PDXDC1: variants seen among roughly 807,000 people sequenced by gnomAD.
PDXDC1 encodes pyridoxal dependent decarboxylase domain containing 1.
Under a neutral mutation model 100.1 loss-of-function variants are expected in PDXDC1, and 42 were observed. The observed-to-expected ratio is 0.42, with a 90% CI of 0.33 to 0.54. PDXDC1 has a LOEUF of 0.54. Among genes scored for constraint, PDXDC1 ranks in the 20% least tolerant of loss-of-function variants. The pLI is 0.10. For synonymous variants in PDXDC1, 260 were observed against 371.7 expected (o/e 0.70, Z 3.46); for missense variants, 636 against 979.2 (o/e 0.65, Z 4.68).
intron 16 of PDXDC1, among the ~76,000 whole-genome samples, chr16:15,031,008 G>C (rs1436099254): frequency 6.6e-6 from 1 of 151,206 alleles, no homozygotes; most frequent in African/African-American, 2.4e-5. Context: ...CTGGAATGCA[G>C]TGTCTTCACC....
At chr16:15,023,550 TG>T (rs2042362025) in intron 13 of PDXDC1, among the ~76,000 whole-genome samples, 2 of 152,268 alleles carry the variant, frequency 1.3e-5, no homozygotes, top group Admixed American at 6.5e-5. Context: ...TCCCAGCTAC[TG>T]GGGAGGCTGA....
chr16:15,130,073 G>C (rs1011553931), intron 16 of PDXDC1: 2 of 1,474,186 alleles, frequency 1.4e-6, no homozygotes, highest in African/African-American at 2.7e-5. Flanking sequence ...ATCCGCTGTC[G>C]GCTCCTGTGA....
At chr16:15,015,823 CA>C (rs1185406083) in intron 8 of PDXDC1, 5 of 525,196 alleles carry the variant, frequency 9.5e-6, no homozygotes, top group African/African-American at 2.0e-5. Flanking sequence ...TGACAAACCA[CA>C]ATCTTGGTGG....
the PDXDC1 span, among the ~76,000 whole-genome samples, chr16:15,148,369 G>GAT: frequency 1.2e-5 from 1 of 82,348 alleles, no homozygotes; most frequent in South Asian, 4.8e-4. Context: ...CAGATCCTGT[G>GAT]ATTTTTTTTT....
At chr16:14,977,246 G>GTTT (rs1357470435) in intron 1 of PDXDC1, among the ~76,000 whole-genome samples, 3 of 138,328 alleles carry the variant, frequency 2.2e-5, no homozygotes, top group Non-Finnish European at 3.1e-5. Flanking sequence ...CTGAGTGTAA[G>GTTT]TTTTTCAGAA....
rs750217403 is a variant in PDXDC1 at position 15,034,459 on chromosome 16, G to T, written c.1908G>T (p.Gly636=). The T allele has an allele frequency of 6.2e-7, 1 of 1,613,998 alleles. No individual in the cohort carries two copies. Among genetic ancestry groups the T allele is most frequent in the Non-Finnish European group, 8.5e-7 (1 of 1,180,000 alleles). Residue 636 remains glycine, a splice_region_variant and synonymous_variant, in exon 21 of 23, where the codon GGG becomes GGT. Coordinates refer to ENST00000396410, the MANE Select transcript of PDXDC1 (RefSeq NM_015027.4). ...KASEERLLEE[G]VLRQIPVVGS... Reference sequence around the variant, plus strand: ...TGAACTCTGGTCCTGTCTTGCAGGGGGTGTTGCGGCAGATCCCTGTAGTGG... The same window carrying T: ...TGAACTCTGGTCCTGTCTTGCAGGGTGTGTTGCGGCAGATCCCTGTAGTGG...
At chr16:15,143,785 C>T (rs1458104693), downstream of PDXDC1, among the ~76,000 whole-genome samples, 1 of 152,236 alleles carries the variant, frequency 6.6e-6, no homozygotes, top group East Asian at 1.9e-4. Flanking sequence ...CCAGACCTGC[C>T]TCAGAGCCTC....
At chr16:15,086,657 T>C (rs2045926352) in intron 16 of PDXDC1, among the ~76,000 whole-genome samples, 1 of 152,154 alleles carries the variant, frequency 6.6e-6, no homozygotes, top group Non-Finnish European at 1.5e-5. Context: ...ATCTAGTAAC[T>C]CTAATACACA....
rs1212303091 is a variant in PDXDC1 at position 15,106,346 on chromosome 16, G to A, written c.1400-32533G>A. Reference sequence around the variant, plus strand: ...CTATGGATTACAATCACTTTCATCAGATAAAGCACCACTTTCAGGATGATT... The same window carrying A: ...CTATGGATTACAATCACTTTCATCAAATAAAGCACCACTTTCAGGATGATT... On this transcript the variant is annotated intron_variant, in intron 16 of 16. Transcript: ENST00000535621. 5.9e-5 allele frequency: 39 copies of A among 663,896 alleles called. 2 individuals carry two copies. The South Asian group carries it at 6.5e-4, about 11-fold the overall frequency. The allele number at this position is 663,896 out of a possible 1,614,324, so 41.1% of individuals were successfully genotyped here.
intron 16 of PDXDC1, chr16:15,125,714 T>A (rs758081510): frequency 2.9e-6 from 4 of 1,402,202 alleles, no homozygotes; most frequent in South Asian, 2.3e-5. Flanking sequence ...CCTGAGAACG[T>A]GAGGAAGGAG....
chr16:14,989,683 G>A (rs1395823936), intron 1 of PDXDC1: 2 of 1,561,766 alleles, frequency 1.3e-6, no homozygotes. Context: ...CCAGGACCTG[G>A]GGACCCCAGC....
intron 1 of PDXDC1, among the ~76,000 whole-genome samples, chr16:14,977,274 T>A: frequency 6.8e-6 from 1 of 147,306 alleles, no homozygotes; most frequent in Admixed American, 6.7e-5. Flanking sequence ...ACTTACTTTT[T>A]TTTTTTTTTT....
In PDXDC1 at chr16:15,077,378, T is replaced by C. The variant is rs188146310; in HGVS notation, c.1399+47322T>C. Among the ~76,000 whole-genome samples, 901 of 152,190 alleles carry C rather than the reference T, an allele frequency of 5.9e-3. 11 individuals carry two copies. Among genetic ancestry groups the C allele is most frequent in the Admixed American group, 4.6e-3 (71 of 15,288 alleles). On this transcript the variant is annotated intron_variant, in intron 16 of 16. Transcript: ENST00000535621. ...TGAATCATAGGGTAGGTTTCCCCCA[T>C]ACTGTTCTCGTGATAGTGAATAAGT...
chr16:15,136,966 C>G, intron 16 of PDXDC1: 1 of 1,356,890 alleles, frequency 7.4e-7, no homozygotes, highest in South Asian at 1.2e-5. Flanking sequence ...TCTCGTCACT[C>G]TGCACCGAGG....
chr16:14,984,491 ATATATT>A (rs1968837596), intron 1 of PDXDC1, among the ~76,000 whole-genome samples: 1 of 93,768 alleles, frequency 1.1e-5, no homozygotes, highest in African/African-American at 4.0e-5. Flanking sequence ...ATATATATAT[ATATATT>A]TTTTTTTTTT....
chr16:15,116,479 CAAA>C (rs1193819668), intron 16 of PDXDC1, among the ~76,000 whole-genome samples: 1 of 28,140 alleles, frequency 3.6e-5, no homozygotes, highest in African/African-American at 1.1e-4. Context: ...GACTCTGTCT[CAAA>C]AAAAAAAAAA....
downstream of PDXDC1, among the ~76,000 whole-genome samples, chr16:15,142,651 G>T (rs985823953): frequency 2.6e-5 from 4 of 152,128 alleles, no homozygotes; most frequent in Admixed American, 1.3e-4. Flanking sequence ...CACCCCGCTT[G>T]CTCCCGTACT....
chr16:15,080,859 T>C (rs1422893456), intron 16 of PDXDC1, among the ~76,000 whole-genome samples: 2 of 151,864 alleles, frequency 1.3e-5, no homozygotes, highest in Non-Finnish European at 2.9e-5. Flanking sequence ...TGGAGTCATA[T>C]AATACATGTT....
Position 15,028,899 on chromosome 16 carries a change from C to A in PDXDC1, c.1226C>A (p.Pro409Gln). ...TCAGATCCGGTGTTTAAAGCCGTCC[C>A]AGTGCCCAACATGACACCTTCAGGA... ...PGSDPVFKAV[P>Q]VPNMTPSGVG... The change falls in exon 15 of 23, where the codon CCA (proline) becomes CAA (glutamine). Residue 409 changes from proline to glutamine, a missense_variant. Physicochemically the swap from Pro to Gln is moderately conservative, Grantham distance 76. Transcript: ENST00000396410. 2 of 1,613,994 alleles carry A rather than the reference C, an allele frequency of 1.2e-6. No individual in the cohort carries two copies. The highest frequency in any genetic ancestry group is 1.7e-6 in the Non-Finnish European group (2 of 1,180,040).
Sources: allele counts gnomAD v4.1 joint callset (sites outside exome capture counted in the v4.1 genomes callset), GRCh38; gene constraint gnomAD v4.1.1; transcripts MANE v1.5; gene names NCBI Gene and HGNC (gene_info 2026-07-23, HGNC 2026-07-21).